Variants in NRG3 observed in about 807,000 individuals in gnomAD.
The protein encoded by NRG3 is neuregulin 3, also known as pro-neuregulin-3, membrane-bound isoform.
In NRG3, 31 loss-of-function variants were observed where a neutral mutation model predicts 66.9. The observed-to-expected ratio is 0.46, with a 90% confidence interval of 0.35 to 0.63. NRG3 has a LOEUF of 0.63. Ranked by LOEUF, NRG3 falls within the 20% of genes least tolerant of loss-of-function variation. The pLI is 0.00. For missense variants in NRG3, 910 were observed against 878.9 expected (o/e 1.04, Z -0.45); for synonymous variants, 393 against 359.4 (o/e 1.09, Z -1.06).
chr10:81,877,750 G>C (rs1841803709), intron 1 of NRG3: 1 of 1,351,414 alleles, frequency 7.4e-7, no homozygotes, highest in East Asian at 2.9e-5. Flanking sequence ...GTAACTTGCT[G>C]CTTCTCTCTC....
intron 2 of NRG3, among the ~76,000 whole-genome samples, chr10:82,670,055 T>TA (rs934405156): frequency 6.6e-6 from 1 of 152,162 alleles, no homozygotes; most frequent in East Asian, 1.9e-4. Flanking sequence ...CTGTAAGACT[T>TA]AAAAAAAATT....
At chr10:82,434,499 G>C (rs1365296703) in intron 2 of NRG3, among the ~76,000 whole-genome samples, 1 of 152,096 alleles carries the variant, frequency 6.6e-6, no homozygotes, top group Non-Finnish European at 1.5e-5. Flanking sequence ...AATAGGAGTG[G>C]TGAGACTGGG....
chr10:82,046,962 T>A (rs1418879745), intron 1 of NRG3, among the ~76,000 whole-genome samples: 1 of 145,296 alleles, frequency 6.9e-6, no homozygotes, highest in African/African-American at 2.5e-5. Context: ...GCTGCTGGAT[T>A]CGGTTTGTCA....
chr10:82,545,751 A>C (rs1407273564), intron 2 of NRG3, among the ~76,000 whole-genome samples: 1 of 115,134 alleles, frequency 8.7e-6, no homozygotes, highest in African/African-American at 3.2e-5. Flanking sequence ...TAACAGACGT[A>C]TTTTTATTGA....
intron 2 of NRG3, among the ~76,000 whole-genome samples, chr10:82,583,695 C>G (rs1189025496): frequency 1.3e-5 from 2 of 152,184 alleles, no homozygotes; most frequent in East Asian, 3.9e-4. Flanking sequence ...AAGCATGCTA[C>G]TCATACAGTT....
rs1004660930 is a variant in NRG3 at position 82,301,376 on chromosome 10, A to T, written c.824-57363A>T. Among the ~76,000 whole-genome samples, 7 of 152,318 alleles carry T rather than the reference A, an allele frequency of 4.6e-5. No homozygotes were observed. The East Asian group carries it at 1.4e-3, about 29-fold the overall frequency. On this transcript the variant is annotated intron_variant, in intron 1 of 8. Coordinates refer to ENST00000372141, the MANE Select transcript of NRG3 (RefSeq NM_001010848.4). ...AAGAACTAAAATTTTCTATGAATAA[A>T]TAGCCATTTATTCTTTTAACAAATA...
intron 2 of NRG3, among the ~76,000 whole-genome samples, chr10:82,417,612 G>C (rs1377639105): frequency 3.3e-5 from 5 of 152,186 alleles, no homozygotes; most frequent in Non-Finnish European, 7.3e-5. Context: ...AGTATTCTAA[G>C]GTGGTTGCTA....
chr10:82,328,829 G>A (rs1476286278), intron 1 of NRG3, among the ~76,000 whole-genome samples: 2 of 152,190 alleles, frequency 1.3e-5, no homozygotes, highest in Non-Finnish European at 2.9e-5. Context: ...GAGCATACTA[G>A]AAGTTAATGA....
chr10:82,837,681 A>G (rs72819687), intron 3 of NRG3, among the ~76,000 whole-genome samples: 1 of 152,272 alleles, frequency 6.6e-6, no homozygotes, highest in Non-Finnish European at 1.5e-5. Flanking sequence ...AAACTAGACA[A>G]TCTTTGCAGT....
intron 2 of NRG3, among the ~76,000 whole-genome samples, chr10:82,709,775 G>T (rs1296882223): frequency 1.3e-5 from 2 of 152,168 alleles, no homozygotes; most frequent in African/African-American, 2.4e-5. Flanking sequence ...TCAGCCCTCT[G>T]TTTCTTGCAG....
At chr10:82,544,151 G>A (rs544825271) in intron 2 of NRG3, among the ~76,000 whole-genome samples, 1 of 152,236 alleles carries the variant, frequency 6.6e-6, no homozygotes, top group South Asian at 2.1e-4. Context: ...GAGATGATGA[G>A]TTAAAAGTGA....
intron 2 of NRG3, among the ~76,000 whole-genome samples, chr10:82,726,465 A>T (rs1449170371): frequency 2.0e-5 from 3 of 151,998 alleles, no homozygotes; most frequent in Non-Finnish European, 4.4e-5. Flanking sequence ...GTCTCACAAG[A>T]TCTGATGGTT....
intron 2 of NRG3, among the ~76,000 whole-genome samples, chr10:82,588,047 G>A (rs1236597179): frequency 6.6e-6 from 1 of 152,174 alleles, no homozygotes; most frequent in Non-Finnish European, 1.5e-5. Context: ...GGAATTGAGA[G>A]CTGCTGGGTT....
rs192975932 is a variant in NRG3, at chr10:82,053,096, T to A, written c.823+176933T>A. Among the ~76,000 whole-genome samples the A allele has an allele frequency of 1.7e-3, 255 of 152,270 alleles. 1 individual carries two copies. The highest frequency in any genetic ancestry group is 5.7e-3 in the African/African-American group (238 of 41,558). ...TTAGGTTACTCACCTATTTAACATT[T>A]TCTTTGCTCCCATGTATTCATGTAT... On this transcript the variant is annotated intron_variant, in intron 1 of 8. Transcript: ENST00000372141.
chr10:81,903,991 TA>T (rs1564645320), intron 1 of NRG3, among the ~76,000 whole-genome samples: 24 of 117,262 alleles, frequency 2.0e-4, no homozygotes, highest in South Asian at 1.3e-3. Flanking sequence ...TATATATATA[TA>T]TATATTTTTT....
chr10:82,504,032 T>C (rs185535317), intron 2 of NRG3, among the ~76,000 whole-genome samples: 207 of 152,348 alleles, frequency 1.4e-3, no homozygotes, highest in Non-Finnish European at 2.2e-3. Context: ...AAATACTGCC[T>C]GTAGAAGATG....
At chr10:82,066,956 A>T (rs1427582833) in intron 1 of NRG3, among the ~76,000 whole-genome samples, 4 of 152,220 alleles carry the variant, frequency 2.6e-5, no homozygotes, top group African/African-American at 9.6e-5. Context: ...ATATATAAGT[A>T]ACTTGAGTAA....
chr10:82,699,192 T>C (rs2055636119), intron 2 of NRG3, among the ~76,000 whole-genome samples: 1 of 151,636 alleles, frequency 6.6e-6, no homozygotes, highest in Admixed American at 6.6e-5. Flanking sequence ...GGGAAGTTCC[T>C]GTTAAGAACT....
chr10:82,197,401 G>T (rs2133425352), intron 1 of NRG3, among the ~76,000 whole-genome samples: 1 of 152,216 alleles, frequency 6.6e-6, no homozygotes, highest in African/African-American at 2.4e-5. Context: ...TGGATTAGAT[G>T]TTAGGCACAC....
Sources: gnomAD v4.1 joint callset for allele counts (sites outside exome capture counted in the v4.1 genomes callset) on GRCh38, gnomAD v4.1.1 for gene constraint, MANE v1.5 for transcripts, NCBI Gene and HGNC (gene_info 2026-07-23, HGNC 2026-07-21) for gene names.